BBX: variants seen among roughly 807,000 people sequenced by gnomAD.
BBX encodes the protein HMG box transcription factor BBX.
A neutral mutation model predicts 100.2 loss-of-function variants in BBX; 30 were observed. The ratio of observed to expected loss-of-function variants is 0.30; its 90% CI spans 0.22 to 0.41. The LOEUF (loss-of-function observed/expected upper bound fraction) is 0.41. BBX is among the 10% of genes least tolerant of loss of function. The pLI is 1.00. For missense variants in BBX, 1,023 were observed against 1,129.8 expected (o/e 0.91, Z 1.35); for synonymous variants, 376 against 388.1 (o/e 0.97, Z 0.37).
At chr3:107,578,458 T>C (rs1478947809) in intron 2 of BBX, among the ~76,000 whole-genome samples, 1 of 152,202 alleles carries the variant, frequency 6.6e-6, no homozygotes, top group Non-Finnish European at 1.5e-5. Flanking sequence ...GTGGGTAAAG[T>C]TATTAGAAAC....
At chr3:107,805,267 A>G in intron 17 of BBX, 103 bp from the exon 18 acceptor site, 1 of 1,152,268 alleles carries the variant, frequency 8.7e-7, no homozygotes, top group Non-Finnish European at 1.2e-6. Flanking sequence ...TAACAGCAGT[A>G]ACTGTTAAAC....
chr3:107,773,653 A>G lies in BBX; in HGVS notation c.1915+17A>G. 2 of 1,580,078 alleles carry G rather than the reference A, an allele frequency of 1.3e-6. No individual in the cohort carries two copies. The highest frequency in any genetic ancestry group is 1.7e-6 in the Non-Finnish European group (2 of 1,167,344). On this transcript the variant is annotated intron_variant, in intron 11 of 17. Transcript: ENST00000325805. This position sits in a 1 kb window ranked among gnomAD's most constrained non-coding sequence, Gnocchi z 4.1. Reference sequence around the variant, plus strand: ...TTGACAGAGGTAAGTAACTTCTACAAACCTGAAAAGAATTCAAAAACCAAA... The same window carrying G: ...TTGACAGAGGTAAGTAACTTCTACAGACCTGAAAAGAATTCAAAAACCAAA...
rs556985536 is a variant in BBX at position 107,535,631 on chromosome 3, C to T, written c.-84+9233C>T. Among the ~76,000 whole-genome samples, 89 of 145,190 alleles carry T rather than the reference C, an allele frequency of 6.1e-4. 2 individuals carry two copies. In the South Asian group the frequency reaches 9.3e-3, roughly 15 times the overall value. The stretch of plus-strand genomic sequence containing the variant: ...TTTTTGAGGCAGAGTCTCACTCTGT[C>T]GCCTAGGCTGGAGTGCAGTGGCACA... On this transcript the variant is annotated intron_variant, in intron 2 of 17. Coordinates refer to ENST00000325805, the MANE Select transcript of BBX (RefSeq NM_001142568.3).
intron 3 of BBX, among the ~76,000 whole-genome samples, chr3:107,686,022 A>C (rs966746513): frequency 6.6e-6 from 1 of 152,204 alleles, no homozygotes; most frequent in African/African-American, 2.4e-5. Context: ...CGGAAAGTGA[A>C]GAAGAAACTA....
intron 13 of BBX, among the ~76,000 whole-genome samples, chr3:107,781,210 G>A (rs1032593315): frequency 4.0e-5 from 6 of 151,760 alleles, no homozygotes; most frequent in African/African-American, 1.5e-4. Context: ...CTCCATATTC[G>A]TATCTGTATT....
chr3:107,636,620 A>C (rs1324263059), intron 2 of BBX, among the ~76,000 whole-genome samples: 1 of 152,160 alleles, frequency 6.6e-6, no homozygotes, highest in African/African-American at 2.4e-5. Flanking sequence ...TAGTACTTAT[A>C]ATTGGTGCCC....
chr3:107,780,827 G>A (rs1475014189), intron 13 of BBX, among the ~76,000 whole-genome samples: 1 of 151,870 alleles, frequency 6.6e-6, no homozygotes, highest in Non-Finnish European at 1.5e-5. Flanking sequence ...ATCTTTAGGG[G>A]ACAGAGGAGA....
At chr3:107,666,182 A>G (rs1020959760) in intron 3 of BBX, among the ~76,000 whole-genome samples, 3 of 152,198 alleles carry the variant, frequency 2.0e-5, no homozygotes, top group African/African-American at 7.2e-5. Flanking sequence ...GGGAAGGGGA[A>G]CCAACTTCCT....
chr3:107,639,041 A>G (rs2057037755), intron 2 of BBX, among the ~76,000 whole-genome samples: 1 of 152,140 alleles, frequency 6.6e-6, no homozygotes, highest in South Asian at 2.1e-4. Context: ...CTGTTAAGTG[A>G]TATTTAATGT....
intron 2 of BBX, among the ~76,000 whole-genome samples, chr3:107,597,298 T>G (rs2107608769): frequency 6.6e-6 from 1 of 152,308 alleles, no homozygotes; most frequent in African/African-American, 2.4e-5. Context: ...TACCCTATCA[T>G]ATTTCTGGTA....
intron 4 of BBX, among the ~76,000 whole-genome samples, chr3:107,715,375 A>G (rs963206239): frequency 2.0e-4 from 31 of 152,220 alleles, no homozygotes; most frequent in African/African-American, 7.5e-4. Flanking sequence ...TTTAAGAATT[A>G]ACCACTCTGC....
rs1042780857 is a variant in BBX at position 107,810,573 on chromosome 3, G to A, written c.*5116G>A. On this transcript the variant is annotated 3_prime_UTR_variant, in exon 18 of 18. Transcript: ENST00000325805. ...TGTTTCATGCATTAACACTGATTTC[G>A]CTCTGTGGCCCACCAGAGGGGTGGG... 8 of 152,090 alleles carry A rather than the reference G, an allele frequency of 5.3e-5. No individual in the cohort carries two copies. The highest frequency in any genetic ancestry group is 1.9e-4 in the African/African-American group (8 of 41,390). The allele number at this position is 152,090 out of a possible 1,614,324, so 9.4% of individuals were successfully genotyped here.
intron 3 of BBX, among the ~76,000 whole-genome samples, chr3:107,669,101 C>CGATGAT (rs752279294): frequency 2.0e-5 from 3 of 151,696 alleles, no homozygotes; most frequent in Admixed American, 1.3e-4. Context: ...AAGAGGCTAG[C>CGATGAT]GATGATGATG....
At chr3:107,659,901 C>A (rs200082492) in intron 3 of BBX, 2 of 397,262 alleles carry the variant, frequency 5.0e-6, no homozygotes, top group Non-Finnish European at 8.5e-6. Flanking sequence ...ATGACAGATT[C>A]CCTTCGTTGA....
intron 3 of BBX, among the ~76,000 whole-genome samples, chr3:107,700,188 C>T (rs2060933170): frequency 6.6e-6 from 1 of 151,682 alleles, no homozygotes; most frequent in South Asian, 2.1e-4. Context: ...ATTGACAGTT[C>T]ATCAAAGTAA....
At chr3:107,729,056 A>C in intron 6 of BBX, 96 bp downstream of exon 6, 1 of 1,252,914 alleles carries the variant, frequency 8.0e-7, no homozygotes, top group Non-Finnish European at 1.1e-6. Context: ...GACAAAATTT[A>C]TAACCAATAT....
At position 107,748,008 on chromosome 3, in the gene BBX, G is replaced by A; in HGVS notation, c.794G>A (p.Cys265Tyr). Residue 265 changes from cysteine to tyrosine, a missense_variant, in exon 9 of 18, where the codon TGT becomes TAT. By Grantham distance (194) the Cys-to-Tyr change is radical. Coordinates refer to ENST00000325805, the MANE Select transcript of BBX (RefSeq NM_001142568.3). ...CACTCTGATGCTTCTACAAAGCAGT[G>A]TCAAACATCTGCCTTGTTTCAGTTT... ...TSHSDASTKQCQTSALFQFAE... is the reference protein window; with the variant it reads ...TSHSDASTKQYQTSALFQFAE... 5 of 1,613,536 alleles carry A rather than the reference G, an allele frequency of 3.1e-6. No individual in the cohort carries two copies. Among genetic ancestry groups the A allele is most frequent in the Non-Finnish European group, 4.2e-6 (5 of 1,179,718 alleles).
chr3:107,771,535 A>G (rs1214931594), intron 10 of BBX, among the ~76,000 whole-genome samples: 3 of 152,220 alleles, frequency 2.0e-5, no homozygotes, highest in Non-Finnish European at 4.4e-5. Flanking sequence ...TCCCCAGTGC[A>G]TATTTGAATG....
At chr3:107,628,920 C>T (rs1315391912) in intron 2 of BBX, among the ~76,000 whole-genome samples, 2 of 152,312 alleles carry the variant, frequency 1.3e-5, no homozygotes, top group Non-Finnish European at 1.5e-5. Context: ...TAGTAAACTA[C>T]ATCATGTTTA....
Sources: allele counts gnomAD v4.1 joint callset (sites outside exome capture counted in the v4.1 genomes callset), GRCh38; gene constraint gnomAD v4.1.1; non-coding constraint Gnocchi (gnomAD v3.1); transcripts MANE v1.5; gene names NCBI Gene and HGNC (gene_info 2026-07-23, HGNC 2026-07-21).